The following VNN2 variants were observed in gnomAD, a reference collection of about 807,000 sequenced individuals.
VNN2 encodes vanin 2, also known as pantetheine hydrolase VNN2.
VNN2 carries 43 observed loss-of-function variants against 43.0 expected under a neutral mutation model. The ratio of observed to expected loss-of-function variants is 1.00; its 90% confidence interval spans 0.78 to 1.29. The LOEUF is 1.29. Among genes scored for constraint, VNN2 ranks in the 50% most tolerant of loss-of-function variants. The pLI is 0.00. For missense variants in VNN2, 652 were observed against 619.7 expected (o/e 1.05, Z -0.55); for synonymous variants, 230 against 224.3 (o/e 1.03, Z -0.23).
chr6:132,757,415 C>G lies in VNN2; in HGVS notation c.344+1G>C. ...ACAAAAGACTAAGATAGTTAAAATA[C>G]CTGTGGGGGTCTTGACACGGAATCC... On this transcript the variant is annotated splice_donor_variant, in intron 2 of 6. Coordinates refer to ENST00000326499, the MANE Select transcript of VNN2 (RefSeq NM_004665.6). LOFTEE classifies it high-confidence loss of function. 6.3e-7 allele frequency: 1 copy of G among 1,598,938 alleles called. No homozygotes were observed. Among genetic ancestry groups the G allele is most frequent in the Middle Eastern group, 1.7e-4 (1 of 5,972 alleles).
Position 132,745,871 on chromosome 6 carries a change from G to A in VNN2, c.1372-1380C>T, listed in dbSNP as rs568649251. Among the ~76,000 whole-genome samples the A allele has an allele frequency of 5.9e-5, 9 of 152,316 alleles. No homozygotes were observed. In the South Asian group the frequency reaches 1.9e-3, roughly 32 times the overall value. ...AAAAGAAAATGAACCCATTAGTTGTGGAAATGGAGTTGGAATGGAGAAGAA... is the reference window on the plus strand; with the variant it reads ...AAAAGAAAATGAACCCATTAGTTGTAGAAATGGAGTTGGAATGGAGAAGAA... On this transcript the variant is annotated intron_variant, in intron 6 of 6. Coordinates refer to ENST00000326499, the MANE Select transcript of VNN2 (RefSeq NM_004665.6).
intron 3 of VNN2, chr6:132,753,506 A>G (rs9493425): frequency 0.36 from 163,409 of 453,142 alleles, 30,527 homozygotes; most frequent in African/African-American, 0.46. Context: ...CAAAATTACC[A>G]TAGAAATGTA....
chr6:132,761,649 G>C (rs1467300241), upstream of VNN2, among the ~76,000 whole-genome samples: 1 of 152,126 alleles, frequency 6.6e-6, no homozygotes, highest in East Asian at 1.9e-4. Flanking sequence ...GACAGAGTGA[G>C]ACTCTGTCTC....
At chr6:132,746,857 A>G (rs1779747930) in intron 6 of VNN2, among the ~76,000 whole-genome samples, 1 of 152,132 alleles carries the variant, frequency 6.6e-6, no homozygotes, top group African/African-American at 2.4e-5. Flanking sequence ...TTTGATTAGT[A>G]TCTGTTCCTT....
In VNN2 at chr6:132,752,510, T is replaced by A; in HGVS notation, c.777A>T (p.Gly259=). The change falls in exon 4 of 7, where the codon GGA becomes GGT. Residue 259 remains glycine (G), a synonymous_variant. Coordinates refer to ENST00000326499, the MANE Select transcript of VNN2 (RefSeq NM_004665.6). The part of the protein sequence containing the change: ...EFHSAWAMGM[G]VNLLVANTHH... ...GTGTGTTGGCCACAAGAAGATTAAC[T>A]CCCATTCCCATTGCCCAAGCTGAAT... 1 of 1,614,014 alleles carries A rather than the reference T, an allele frequency of 6.2e-7. No homozygotes were observed. Among genetic ancestry groups the A allele is most frequent in the Non-Finnish European group, 8.5e-7 (1 of 1,179,960 alleles).
upstream of VNN2, among the ~76,000 whole-genome samples, chr6:132,758,623 G>A (rs1780643474): frequency 6.6e-6 from 1 of 152,062 alleles, no homozygotes; most frequent in African/African-American, 2.4e-5. Flanking sequence ...TTTTGGTTCT[G>A]TTGAGTCACT....
chr6:132,752,703 T>A lies in VNN2; in HGVS notation c.584A>T (p.Glu195Val). Residue 195 changes from glutamate (E) to valine (V), a missense_variant, in exon 4 of 7, where the codon GAG (glutamate) becomes GTG (valine). Physicochemically the swap from Glu to Val is moderately radical, Grantham distance 121 (BLOSUM62 -2). Transcript: ENST00000326499. ...EPQFNVPEKP[E>V]LVTFNTAFGR... ...AAATGCGGTGTTGAAAGTCACCAAC[T>A]CCGGCTTTTCAGGGACATTAAACTG... 1.9e-6 allele frequency: 3 copies of A among 1,614,146 alleles called. No individual in the cohort carries two copies. Among genetic ancestry groups the A allele is most frequent in the Non-Finnish European group, 2.5e-6 (3 of 1,180,012 alleles).
At chr6:132,745,644 C>A (rs957157947) in intron 6 of VNN2, among the ~76,000 whole-genome samples, 5 of 152,174 alleles carry the variant, frequency 3.3e-5, no homozygotes, top group African/African-American at 9.7e-5. Flanking sequence ...TTACATCACA[C>A]CACTGGCTAG....
chr6:132,750,677 AAAAAG>A (rs954673197), intron 5 of VNN2, among the ~76,000 whole-genome samples: 5 of 148,956 alleles, frequency 3.4e-5, no homozygotes, highest in East Asian at 3.9e-4. Flanking sequence ...AAAAAAAAAG[AAAAAG>A]AAAAGAAAAG....
chr6:132,751,984 T>C (rs1038257921), intron 4 of VNN2, among the ~76,000 whole-genome samples: 27 of 152,146 alleles, frequency 1.8e-4, no homozygotes, highest in African/African-American at 6.3e-4. Flanking sequence ...ATGGCAGAAG[T>C]GATGGTGGGT....
chr6:132,758,426 A>G (rs2114633162), upstream of VNN2, among the ~76,000 whole-genome samples: 1 of 152,294 alleles, frequency 6.6e-6, no homozygotes, highest in South Asian at 2.1e-4. Flanking sequence ...ATCAGAAAGT[A>G]TTACAGGGAT....
intron 6 of VNN2, 93 bp from the exon 7 acceptor site, chr6:132,744,584 T>G: frequency 8.0e-7 from 1 of 1,245,590 alleles, no homozygotes. Context: ...ATATAATGTA[T>G]AGTCAAATCA....
upstream of VNN2, among the ~76,000 whole-genome samples, chr6:132,758,890 C>T (rs1400162176): frequency 6.6e-6 from 1 of 152,138 alleles, no homozygotes; most frequent in Non-Finnish European, 1.5e-5. Context: ...TCAGGGGCCC[C>T]AGGCCTCAGG....
chr6:132,746,960 A>G (rs1779754092), intron 6 of VNN2, among the ~76,000 whole-genome samples: 1 of 152,130 alleles, frequency 6.6e-6, no homozygotes. Context: ...TGCTCCCTCC[A>G]AGGGACTACA....
At chr6:132,753,738 G>A in intron 3 of VNN2, 1 of 209,252 alleles carries the variant, frequency 4.8e-6, no homozygotes, top group Non-Finnish European at 9.9e-6. Flanking sequence ...GATAACTTGA[G>A]GCCAGGAGCT....
At chr6:132,758,087 C>T (rs1780617898), upstream of VNN2, 1 of 442,630 alleles carries the variant, frequency 2.3e-6, no homozygotes, top group Non-Finnish European at 3.7e-6. Flanking sequence ...CTCTGTCACC[C>T]AGGCTGGAAT....
chr6:132,753,346 A>T, intron 3 of VNN2: 1 of 357,456 alleles, frequency 2.8e-6, no homozygotes, highest in South Asian at 2.2e-5. Context: ...TTAAAAGTTA[A>T]AAAACATGCA....
rs1424490939 is a variant in VNN2, at chr6:132,755,988, T to C, written c.392A>G (p.Asp131Gly). ...VQARLSCLAKDNSIYVLANLG... is the reference protein window; with the variant it reads ...VQARLSCLAKGNSIYVLANLG... ...ATTTGCCAAGACATAGATAGAGTTG[T>C]CCTTGGCCAGGCAGCTGAGTCTTGC... The change falls in exon 3 of 7, where the codon GAC becomes GGC. Residue 131 changes from aspartate to glycine, a missense_variant. Coordinates refer to ENST00000326499, the MANE Select transcript of VNN2 (RefSeq NM_004665.6). The C allele has an allele frequency of 6.2e-7, 1 of 1,614,146 alleles. No individual in the cohort carries two copies. Among genetic ancestry groups the C allele is most frequent in the East Asian group, 2.2e-5 (1 of 44,876 alleles).
At chr6:132,758,015 C>CTTCTTCTTA, upstream of VNN2, 1 of 156,180 alleles carries the variant, frequency 6.4e-6, no homozygotes. Flanking sequence ...TCTTCTTCTT[C>CTTCTTCTTA]TTCTTCTTCT....
Sources: gnomAD v4.1 joint callset for allele counts (sites outside exome capture counted in the v4.1 genomes callset) on GRCh38, gnomAD v4.1.1 for gene constraint, MANE v1.5 for transcripts, NCBI Gene and HGNC (gene_info 2026-07-23, HGNC 2026-07-21) for gene names.